Variants in ERI2 observed in about 807,000 individuals in gnomAD.
The protein encoded by ERI2 is ERI1 exoribonuclease 2.
ERI2 carries 35 observed loss-of-function variants against 46.8 expected under a neutral mutation model. That is an observed-to-expected ratio of 0.75 (90% CI 0.57 to 0.99). The LOEUF is 0.99. ERI2 is among the 50% of genes least tolerant of loss of function. ERI2 has a pLI of 0.00. For synonymous variants in ERI2, 224 were observed against 271.0 expected (o/e 0.83, Z 1.70); for missense variants, 695 against 796.2 (o/e 0.87, Z 1.53).
intron 10 of ERI2, among the ~76,000 whole-genome samples, chr16:20,787,663 C>G (rs1051828441): frequency 2.6e-5 from 4 of 152,132 alleles, no homozygotes; most frequent in African/African-American, 9.7e-5. Flanking sequence ...TAGAATAAAC[C>G]AGATCCTGGG....
chr16:20,786,241 C>A (rs766699010), intron 10 of ERI2: 3 of 1,511,938 alleles, frequency 2.0e-6, no homozygotes, highest in South Asian at 2.6e-5. Flanking sequence ...TATAAACTTT[C>A]TTTGTTATGA....
Position 20,802,681 on chromosome 16 carries a change from G to A in ERI2, c.303+115C>T, listed in dbSNP as rs574151225. 43 of 1,244,890 alleles carry A rather than the reference G, an allele frequency of 3.5e-5. No homozygotes were observed. The African/African-American group carries it at 6.3e-4, about 18-fold the overall frequency. 77.1% of individuals were successfully genotyped at this position (1,244,890 alleles called of 1,614,324 possible). A position where few individuals can be genotyped will look rare whatever the true frequency, so the allele number is the denominator to read the frequency against. ...TCGAACATCAGCCTGCAAAGTGCTG[G>A]GATTACAGGCATAAGCCATCATGCC... On this transcript the variant is annotated intron_variant, in intron 4 of 8. Coordinates refer to ENST00000357967, the MANE Select transcript of ERI2 (RefSeq NM_001142725.2).
At chr16:20,780,833 G>C in intron 10 of ERI2, 1 of 1,614,228 alleles carries the variant, frequency 6.2e-7, no homozygotes, top group South Asian at 1.1e-5. Context: ...AGCAGTTTTG[G>C]TTTAGGATTA....
chr16:20,804,133 C>T (rs1194157756), intron 1 of ERI2, among the ~76,000 whole-genome samples: 1 of 151,620 alleles, frequency 6.6e-6, no homozygotes, highest in Non-Finnish European at 1.5e-5. Context: ...GGATTACAGG[C>T]CTGAGCCACT....
rs757988173 is a variant in ERI2, at chr16:20,790,680, C to T, written c.815+170G>A. On this transcript the variant is annotated intron_variant, in intron 9 of 10. Transcript: ENST00000300005. This position sits in a 1 kb window ranked among gnomAD's most constrained non-coding sequence, Gnocchi z 4.0. ...CAACCGACCATTTGGCCTTTTTACT[C>T]ATTACGTAGTAAGTGACTTACTAAA... 5.6e-6 allele frequency: 9 copies of T among 1,613,958 alleles called. No homozygotes were observed. In the East Asian group the frequency reaches 6.7e-5, roughly 12 times the overall value.
chr16:20,803,621 G>A lies in ERI2; in HGVS notation c.73C>T (p.Leu25Phe). ...TACTCACTGGATTTGCTTCTTCCGA[G>A]ATTTCCATTTGCTGGCGCAATTGAC... ...RKSIAPANGN[L>F]GRSKSKQLFD... Residue 25 changes from leucine to phenylalanine, a missense_variant, in exon 2 of 9, where the codon CTC (leucine) becomes TTC (phenylalanine). Coordinates refer to ENST00000357967, the MANE Select transcript of ERI2 (RefSeq NM_001142725.2). The A allele has an allele frequency of 6.2e-7, 1 of 1,614,148 alleles. No homozygotes were observed. The highest frequency in any genetic ancestry group is 1.1e-5 in the South Asian group (1 of 91,064).
chr16:20,781,870 CAT>C, intron 10 of ERI2: 1 of 1,079,040 alleles, frequency 9.3e-7, no homozygotes, highest in South Asian at 1.3e-5. Context: ...CTGCCTGAAA[CAT>C]AGCTCCAAGC....
chr16:20,800,154 G>T, intron 6 of ERI2, 116 bp from the exon 7 acceptor site: 1 of 886,846 alleles, frequency 1.1e-6, no homozygotes, highest in Admixed American at 2.6e-5. Context: ...TTTTTTGTGT[G>T]TTGTTTTTAA....
intron 10 of ERI2, among the ~76,000 whole-genome samples, chr16:20,785,869 T>G (rs234282): frequency 4.6e-5 from 7 of 152,204 alleles, no homozygotes; most frequent in African/African-American, 1.7e-4. Flanking sequence ...TTGATAAATA[T>G]GGATATATGA....
At chr16:20,802,980 T>G in intron 3 of ERI2, 57 bp from the exon 4 acceptor site, 1 of 1,466,896 alleles carries the variant, frequency 6.8e-7, no homozygotes, top group Non-Finnish European at 9.2e-7. Flanking sequence ...ATTAATCCTG[T>G]AATCATCCTA....
intron 7 of ERI2, 70 bp from the exon 8 acceptor site, chr16:20,799,421 C>A: frequency 7.0e-7 from 1 of 1,418,758 alleles, no homozygotes; most frequent in Non-Finnish European, 9.6e-7. Context: ...AAAGAAATAA[C>A]TTAAAAAGAA....
chr16:20,791,429 T>C (rs1321096405), downstream of ERI2, among the ~76,000 whole-genome samples: 1 of 152,244 alleles, frequency 6.6e-6, no homozygotes, highest in East Asian at 1.9e-4. Flanking sequence ...TTTACTCCTC[T>C]GAGCTACTGC....
chr16:20,805,975 T>C (rs2080862979), intron 1 of ERI2: 1 of 1,048,654 alleles, frequency 9.5e-7, no homozygotes, highest in South Asian at 4.3e-5. Context: ...CCTTACTAAA[T>C]AAATTAAATT....
exon 11 of ERI2, chr16:20,780,418 G>C: frequency 1.8e-6 from 1 of 555,784 alleles, no homozygotes; most frequent in Non-Finnish European, 3.2e-6. Context: ...CTCTGCTGGA[G>C]GTATGATAAA....
intron 10 of ERI2, among the ~76,000 whole-genome samples, chr16:20,786,934 C>T (rs565755209): frequency 1.3e-5 from 2 of 152,230 alleles, no homozygotes; most frequent in Admixed American, 6.5e-5. Context: ...CAACTAGGCC[C>T]GAAGAGGCTT....
Position 20,799,300 on chromosome 16 carries a change from T to C in ERI2, c.695A>G (p.Asp232Gly), listed in dbSNP as rs144249611. ...CCTTGTAATTTTCATTACACAACCA[T>C]CTCTGATCATTTTCCAAGCAAGAAG... Reference protein sequence around the residue: ...TALLAWKMIRDGCVMKITRSL... With the variant: ...TALLAWKMIRGGCVMKITRSL... Residue 232 changes from aspartate (D) to glycine (G), a missense_variant, in exon 8 of 9, where the codon GAT becomes GGT. Coordinates refer to ENST00000357967, the MANE Select transcript of ERI2 (RefSeq NM_001142725.2). 21 of 1,613,568 alleles carry C rather than the reference T, an allele frequency of 1.3e-5. No individual in the cohort carries two copies. Among genetic ancestry groups the C allele is most frequent in the Non-Finnish European group, 1.4e-5 (16 of 1,179,708 alleles).
At chr16:20,780,260 G>A (rs2080324004) in exon 11 of ERI2, 3 of 214,638 alleles carry the variant, frequency 1.4e-5, no homozygotes, top group Non-Finnish European at 2.8e-5. Context: ...AGGCTGTAGT[G>A]TGTTGGCCCA....
intron 4 of ERI2, 69 bp downstream of exon 4, chr16:20,802,727 T>G: frequency 1.3e-6 from 2 of 1,502,534 alleles, no homozygotes; most frequent in Non-Finnish European, 1.8e-6. Context: ...TAAATCTAAT[T>G]TCAAATGGTA....
chr16:20,782,709 G>C (rs953491005), intron 10 of ERI2, among the ~76,000 whole-genome samples: 12 of 152,202 alleles, frequency 7.9e-5, no homozygotes, highest in Non-Finnish European at 1.6e-4. Flanking sequence ...CTGCGCATAT[G>C]ACCAAATGGC....
Sources: gnomAD v4.1 joint callset for allele counts (sites outside exome capture counted in the v4.1 genomes callset) on GRCh38, gnomAD v4.1.1 for gene constraint, Gnocchi (gnomAD v3.1) non-coding constraint, MANE v1.5 for transcripts, NCBI Gene and HGNC (gene_info 2026-07-23, HGNC 2026-07-21) for gene names.